SORCS3: variants seen among roughly 807,000 people sequenced by gnomAD.
The protein encoded by SORCS3 is VPS10 domain-containing receptor SorCS3.
Under a neutral mutation model 146.3 loss-of-function variants are expected in SORCS3, and 57 were observed. The ratio of observed to expected loss-of-function variants is 0.39; its 90% CI spans 0.31 to 0.49. SORCS3 has a LOEUF of 0.49. Ranked by LOEUF, SORCS3 falls within the 20% of genes least tolerant of loss-of-function variation. The pLI is 0.92. For synonymous variants in SORCS3, 653 were observed against 618.5 expected, an observed-to-expected ratio of 1.06 and a Z score of -0.83; for missense variants, 1,341 against 1,575.5, an observed-to-expected ratio of 0.85 and a Z score of 2.52.
intron 1 of SORCS3, among the ~76,000 whole-genome samples, chr10:104,642,877 C>T (rs906482524): frequency 7.2e-5 from 11 of 152,208 alleles, no homozygotes; most frequent in African/African-American, 2.7e-4. Context: ...CTGGCCTACT[C>T]CGGCATTCCG....
At chr10:104,643,428 A>G (rs889172438) in intron 1 of SORCS3, among the ~76,000 whole-genome samples, 1 of 152,242 alleles carries the variant, frequency 6.6e-6, no homozygotes, top group African/African-American at 2.4e-5. Flanking sequence ...CAGCCTGGGT[A>G]GCCCATGCTG....
chr10:105,072,712 C>G (rs1010062340), intron 5 of SORCS3, among the ~76,000 whole-genome samples: 1 of 122,414 alleles, frequency 8.2e-6, no homozygotes, highest in Non-Finnish European at 1.6e-5. Flanking sequence ...GATTAAATAG[C>G]CTTGTGTGTA....
intron 2 of SORCS3, among the ~76,000 whole-genome samples, chr10:104,856,731 C>T (rs2018338369): frequency 6.9e-6 from 1 of 144,584 alleles, no homozygotes; most frequent in Non-Finnish European, 1.5e-5. Context: ...CTCTATCTCT[C>T]TCTATAGATC....
At chr10:105,256,954 T>C in intron 25 of SORCS3, 30 bp downstream of exon 25, 4 of 1,471,412 alleles carry the variant, frequency 2.7e-6, no homozygotes, top group South Asian at 1.1e-5. Context: ...AATTTAGTAG[T>C]GGGGTTGGGG....
At chr10:104,673,442 G>A (rs2015879616) in intron 1 of SORCS3, among the ~76,000 whole-genome samples, 1 of 151,810 alleles carries the variant, frequency 6.6e-6, no homozygotes, top group African/African-American at 2.4e-5. Context: ...GTGTGTGTGT[G>A]TGTGTATTTT....
intron 5 of SORCS3, among the ~76,000 whole-genome samples, chr10:105,049,651 A>G (rs1419198842): frequency 2.6e-5 from 4 of 152,156 alleles, no homozygotes; most frequent in Non-Finnish European, 5.9e-5. Context: ...GAAGAATAAA[A>G]TCATGTCCTT....
At chr10:105,041,389 G>T in intron 4 of SORCS3, among the ~76,000 whole-genome samples, 1 of 141,654 alleles carries the variant, frequency 7.1e-6, no homozygotes, top group East Asian at 2.1e-4. Flanking sequence ...AACATTACAG[G>T]CTATTTTGAG....
intron 2 of SORCS3, among the ~76,000 whole-genome samples, chr10:104,856,383 T>TATA (rs963717143): frequency 4.0e-4 from 60 of 149,618 alleles, no homozygotes; most frequent in African/African-American, 1.4e-3. Flanking sequence ...GAGAGAAAGC[T>TATA]ATAGAAAGGG....
Position 104,707,621 on chromosome 10 carries a change from C to G in SORCS3, c.627+65667C>G, listed in dbSNP as rs548262929. Among the ~76,000 whole-genome samples the G allele has an allele frequency of 3.3e-5, 5 of 152,236 alleles. No homozygotes were observed. The East Asian group carries it at 5.8e-4, about 18-fold the overall frequency. ...ATAGAAGGAGGACCTGAATCACATT[C>G]AAGGAAAATATATAAATGAATATCA... On this transcript the variant is annotated intron_variant, in intron 1 of 26. Coordinates refer to ENST00000369701, the MANE Select transcript of SORCS3 (RefSeq NM_014978.3).
intron 7 of SORCS3, among the ~76,000 whole-genome samples, chr10:105,129,434 C>T (rs1268769727): frequency 6.9e-6 from 1 of 145,256 alleles, no homozygotes; most frequent in East Asian, 2.1e-4. Flanking sequence ...GTTTTGATAG[C>T]AAGTTTGAAC....
chr10:104,747,837 G>A (rs1370544219), intron 1 of SORCS3, among the ~76,000 whole-genome samples: 1 of 152,230 alleles, frequency 6.6e-6, no homozygotes, highest in African/African-American at 2.4e-5. Context: ...CATGTCAGCT[G>A]GAACAGGAGA....
At chr10:104,695,766 C>T (rs544482043) in intron 1 of SORCS3, among the ~76,000 whole-genome samples, 21 of 151,064 alleles carry the variant, frequency 1.4e-4, no homozygotes, top group Admixed American at 1.3e-4. Context: ...TTTCTAGATC[C>T]GTATATATAG....
intron 5 of SORCS3, among the ~76,000 whole-genome samples, chr10:105,061,123 A>T (rs73342222): frequency 0.059 from 8,966 of 152,198 alleles, 285 homozygotes; most frequent in Middle Eastern, 0.088. Flanking sequence ...ATAATTTTTT[A>T]AACAAGGGCT....
At chr10:104,675,229 C>T (rs2015900003) in intron 1 of SORCS3, among the ~76,000 whole-genome samples, 1 of 152,120 alleles carries the variant, frequency 6.6e-6, no homozygotes, top group African/African-American at 2.4e-5. Flanking sequence ...TTTTCATATG[C>T]CTAATGGCCA....
chr10:105,063,160 C>T (rs2055499171), intron 5 of SORCS3, among the ~76,000 whole-genome samples: 1 of 152,130 alleles, frequency 6.6e-6, no homozygotes, highest in African/African-American at 2.4e-5. Flanking sequence ...TTAACTGATT[C>T]CATATTAAAC....
intron 6 of SORCS3, among the ~76,000 whole-genome samples, chr10:105,096,497 A>G (rs2055747649): frequency 6.6e-6 from 1 of 152,206 alleles, no homozygotes; most frequent in East Asian, 1.9e-4. Context: ...TGGGAGAGGC[A>G]GATATGCACA....
chr10:104,740,068 G>T (rs139917007), intron 1 of SORCS3, among the ~76,000 whole-genome samples: 79 of 152,264 alleles, frequency 5.2e-4, no homozygotes, highest in African/African-American at 1.9e-3. Context: ...TTTGTTCATA[G>T]AACGTATTTC....
chr10:104,828,535 C>T (rs530283667), intron 1 of SORCS3, among the ~76,000 whole-genome samples: 2 of 151,984 alleles, frequency 1.3e-5, no homozygotes, highest in South Asian at 2.1e-4. Flanking sequence ...ATAATAATAA[C>T]AAAAAAGCTT....
At chr10:104,860,556 A>G (rs1208553036) in intron 2 of SORCS3, among the ~76,000 whole-genome samples, 5 of 151,910 alleles carry the variant, frequency 3.3e-5, no homozygotes, top group Non-Finnish European at 7.4e-5. Context: ...ATACCCTAAA[A>G]CTTAAAGTAT....
Sources: gnomAD v4.1 joint callset for allele counts (sites outside exome capture counted in the v4.1 genomes callset) on GRCh38, gnomAD v4.1.1 for gene constraint, MANE v1.5 for transcripts, NCBI Gene and HGNC (gene_info 2026-07-23, HGNC 2026-07-21) for gene names.